The following KDELR1 variants were observed in gnomAD, a reference collection of about 807,000 sequenced individuals.
KDELR1 encodes the protein ER lumen protein-retaining receptor 1.
KDELR1 carries 16 observed loss-of-function variants against 25.5 expected under a neutral mutation model. The ratio of observed to expected loss-of-function variants is 0.63; its 90% CI spans 0.43 to 0.95. The LOEUF (loss-of-function observed/expected upper bound fraction) is 0.95. KDELR1 is among the 40% of genes least tolerant of loss of function. The pLI is 0.00. For synonymous variants in KDELR1, 121 were observed against 115.0 expected, an observed-to-expected ratio of 1.05 and a Z score of -0.33; for missense variants, 159 against 265.2, an observed-to-expected ratio of 0.60 and a Z score of 2.78.
At position 48,389,671 on chromosome 19, in the gene KDELR1, A is replaced by C; in HGVS notation, c.233T>G (p.Ile78Ser). The change falls in exon 3 of 5, where the codon ATT becomes AGT. Residue 78 changes from isoleucine to serine, a missense_variant. Physicochemically the swap from Ile to Ser is moderately radical, Grantham distance 142. Coordinates refer to ENST00000330720, the MANE Select transcript of KDELR1 (RefSeq NM_006801.3). ...GTAAGTAGCTTTGAACTTGCTATAA[A>C]TCAACCAGACCGTGGTGAAGGAGCA... ...IACSFTTVWL[I>S]YSKFKATYDG... The C allele has an allele frequency of 6.2e-7, 1 of 1,614,092 alleles. No homozygotes were observed. The highest frequency in any genetic ancestry group is 8.5e-7 in the Non-Finnish European group (1 of 1,179,968).
chr19:48,386,684 G>C (rs1206783930), intron 3 of KDELR1, among the ~76,000 whole-genome samples: 1 of 148,914 alleles, frequency 6.7e-6, no homozygotes, highest in Non-Finnish European at 1.5e-5. Flanking sequence ...CTGACCTCGT[G>C]ATCCACGATC....
upstream of KDELR1, among the ~76,000 whole-genome samples, chr19:48,393,647 C>T (rs1031307067): frequency 6.6e-6 from 1 of 152,054 alleles, no homozygotes; most frequent in Admixed American, 6.5e-5. This position sits in a 1 kb window ranked among gnomAD's most constrained non-coding sequence, Gnocchi z 5.6. Context: ...CAGTGGCAGA[C>T]GGGGACTGAA....
At chr19:48,386,117 T>C (rs1000817332) in intron 3 of KDELR1, among the ~76,000 whole-genome samples, 2 of 151,772 alleles carry the variant, frequency 1.3e-5, no homozygotes, top group Non-Finnish European at 2.9e-5. Context: ...TTGCTTTTTT[T>C]TTTTTTTTTT....
intron 1 of KDELR1, chr19:48,390,746 G>A (rs903750022): frequency 7.6e-6 from 4 of 523,120 alleles, no homozygotes; most frequent in Non-Finnish European, 1.0e-5. Flanking sequence ...CCTTTCCCAC[G>A]GACCACAGCC....
At chr19:48,395,232 C>T (rs951340755), upstream of KDELR1, among the ~76,000 whole-genome samples, 15 of 151,956 alleles carry the variant, frequency 9.9e-5, no homozygotes, top group African/African-American at 3.6e-4. Context: ...CCCTGTGCCT[C>T]CATCTCTCTA....
rs1970464343 is a variant in KDELR1 at position 48,382,622 on chromosome 19, G to A, written c.*671C>T. ...CAAGAGAACAAAGATTCAACCATCA[G>A]TTCTGTACAAAAACATGGTGTGAGA... On this transcript the variant is annotated 3_prime_UTR_variant, in exon 5 of 5. Transcript: ENST00000330720. 6.5e-6 allele frequency: 1 copy of A among 152,948 alleles called. No individual in the cohort carries two copies. Among genetic ancestry groups the A allele is most frequent in the Admixed American group, 6.5e-5 (1 of 15,282 alleles). The allele number at this position is 152,948 out of a possible 1,614,324, so 9.5% of individuals were successfully genotyped here. A position where few individuals can be genotyped will look rare whatever the true frequency, so the allele number is the denominator to read the frequency against.
chr19:48,391,404 C>CG lies in KDELR1; in HGVS notation c.-47dup, dbSNP rs753803008. ...GCTGAGCGGGAGGGAGGCAGGCTGG[C>CG]GGGGGGGTGCCCCCCGAGGCTGCTG... On this transcript the variant is annotated 5_prime_UTR_variant, in exon 1 of 5. Transcript: ENST00000330720. The CG allele has an allele frequency of 2.2e-5, 32 of 1,476,836 alleles. No individual in the cohort carries two copies. The highest frequency in any genetic ancestry group is 5.9e-5 in the Admixed American group (3 of 50,802). 91.5% of individuals were successfully genotyped at this position (1,476,836 alleles called of 1,614,324 possible).
At chr19:48,396,370 G>T (rs1005580568), upstream of KDELR1, among the ~76,000 whole-genome samples, 2 of 152,114 alleles carry the variant, frequency 1.3e-5, no homozygotes, top group African/African-American at 4.8e-5. Context: ...GTGGGGCCGG[G>T]GGCTGCCCTC....
Position 48,383,296 on chromosome 19 carries a change from T to A in KDELR1, c.636A>T (p.Ala212=). 1 of 1,552,206 alleles carries A rather than the reference T, an allele frequency of 6.4e-7. No homozygotes were observed. Among genetic ancestry groups the A allele is most frequent in the Non-Finnish European group, 8.7e-7 (1 of 1,147,238 alleles). Residue 212 remains alanine (A), a synonymous_variant, in exon 5 of 5, where the codon GCA becomes GCT. Coordinates refer to ENST00000330720, the MANE Select transcript of KDELR1 (RefSeq NM_006801.3). ...VLKGKKLSLP[A] is the part of the protein sequence containing the mutation. ...AGAGAGATGGAGAGGACCGGGGCTA[T>A]GCCGGCAAACTCAACTTCTTCCCCT...
At chr19:48,386,795 G>A (rs961409164) in intron 3 of KDELR1, among the ~76,000 whole-genome samples, 12 of 151,912 alleles carry the variant, frequency 7.9e-5, no homozygotes, top group African/African-American at 1.5e-4. Flanking sequence ...GGTCAGGCAC[G>A]GCAGCTCACA....
At chr19:48,393,848 C>T (rs995179468), upstream of KDELR1, among the ~76,000 whole-genome samples, 1 of 151,860 alleles carries the variant, frequency 6.6e-6, no homozygotes, top group African/African-American at 2.4e-5. This position sits in a 1 kb window ranked among gnomAD's most constrained non-coding sequence, Gnocchi z 5.6. Context: ...AGGGGTCTCT[C>T]GAGCGTCTGC....
At chr19:48,389,998 G>A (rs1248509368) in intron 2 of KDELR1, among the ~76,000 whole-genome samples, 7 of 124,038 alleles carry the variant, frequency 5.6e-5, no homozygotes, top group South Asian at 5.5e-4. Context: ...CTGGAGTCCA[G>A]GCCCCCAGCC....
upstream of KDELR1, among the ~76,000 whole-genome samples, chr19:48,393,053 C>A (rs1355354700): frequency 6.6e-6 from 1 of 152,202 alleles, no homozygotes; most frequent in East Asian, 1.9e-4. This position sits in a 1 kb window ranked among gnomAD's most constrained non-coding sequence, Gnocchi z 5.6. Flanking sequence ...GTGTTGATTT[C>A]TTCAGAGGGC....
chr19:48,387,968 A>G (rs866709631), intron 3 of KDELR1: 31 of 152,350 alleles, frequency 2.0e-4, no homozygotes, highest in African/African-American at 6.5e-4. Flanking sequence ...GCAAAACACC[A>G]TGGAATAAAA....
rs186471676 is a variant in KDELR1, at chr19:48,384,975, C to G, written c.352-493G>C. On this transcript the variant is annotated intron_variant, in intron 3 of 4. Transcript: ENST00000330720. This position sits in a 1 kb window ranked among gnomAD's most constrained non-coding sequence, Gnocchi z 4.6. ...GATCTCGGCTCACTGCAACCTCTGC[C>G]TCTTGGGTTCAAGCGTTTCTCCTGC... Among the ~76,000 whole-genome samples, 213 of 151,868 alleles carry G rather than the reference C, an allele frequency of 1.4e-3. 1 individual carries two copies. Among genetic ancestry groups the G allele is most frequent in the Middle Eastern group, 6.8e-3 (2 of 294 alleles).
rs1004637937 is a variant in KDELR1, at chr19:48,391,196, C to T, written c.91+72G>A. 5 of 1,360,026 alleles carry T rather than the reference C, an allele frequency of 3.7e-6. No individual in the cohort carries two copies. The East Asian group carries it at 7.5e-5, about 20-fold the overall frequency. The allele number at this position is 1,360,026 out of a possible 1,614,324, so 84.2% of individuals were successfully genotyped here. On this transcript the variant is annotated intron_variant, in intron 1 of 4. Coordinates refer to ENST00000330720, the MANE Select transcript of KDELR1 (RefSeq NM_006801.3). ...GTGCCCCTAGTGCCCCCAAACCCTT[C>T]CTGAGTCCTGCGACGTCCCCCAACC...
At chr19:48,394,913 C>G (rs909592551), upstream of KDELR1, 1 of 153,302 alleles carries the variant, frequency 6.5e-6, no homozygotes, top group African/African-American at 2.4e-5. The surrounding 1 kb of genome is among the most constrained non-coding windows in gnomAD (Gnocchi z 5.1). Context: ...CGCCATCCCC[C>G]CAACAGAACA....
At chr19:48,396,109 G>A (rs1600965482), upstream of KDELR1, among the ~76,000 whole-genome samples, 1 of 152,124 alleles carries the variant, frequency 6.6e-6, no homozygotes, top group East Asian at 1.9e-4. Flanking sequence ...CAGGAGATGA[G>A]TGTTGGGGAC....
the KDELR1 span, among the ~76,000 whole-genome samples, chr19:48,396,784 G>C: frequency 1.4e-3 from 211 of 152,158 alleles, 2 homozygotes; most frequent in African/African-American, 4.9e-3. Flanking sequence ...CCCCGCCCTG[G>C]CTGTCTGTGG....
Sources: allele counts gnomAD v4.1 joint callset (sites outside exome capture counted in the v4.1 genomes callset), GRCh38; gene constraint gnomAD v4.1.1; non-coding constraint Gnocchi (gnomAD v3.1); transcripts MANE v1.5; gene names NCBI Gene and HGNC (gene_info 2026-07-23, HGNC 2026-07-21).